The following CHST10 variants were observed in gnomAD, a reference collection of about 807,000 sequenced individuals.
CHST10 encodes the protein HNK-1 sulfotransferase.
A neutral mutation model predicts 34.7 loss-of-function variants in CHST10; 24 were observed. That is an observed-to-expected ratio of 0.69 (90% confidence interval 0.50 to 0.97). The LOEUF is 0.97. Among genes scored for constraint, CHST10 ranks in the 50% least tolerant of loss-of-function variants. The probability of loss-of-function intolerance (pLI) is 0.00; values close to 1 mark genes in which losing one functional copy is unlikely to be tolerated. For synonymous variants in CHST10, 161 were observed against 169.3 expected (o/e 0.95, Z 0.38); for missense variants, 402 against 452.1 (o/e 0.89, Z 1.00).
intron 5 of CHST10, among the ~76,000 whole-genome samples, chr2:100,396,439 A>G (rs1328069185): frequency 1.3e-5 from 2 of 152,202 alleles, no homozygotes; most frequent in African/African-American, 4.8e-5. Flanking sequence ...AAGTTTCTGT[A>G]AGCCTTAATA....
chr2:100,407,250 C>T (rs768177485), intron 2 of CHST10, among the ~76,000 whole-genome samples: 6 of 152,206 alleles, frequency 3.9e-5, no homozygotes, highest in African/African-American at 9.7e-5. Flanking sequence ...TTCTCGCCTC[C>T]GCCCACTTGC....
In CHST10 at chr2:100,398,151, GAC is replaced by G. The variant is rs1239425458; in HGVS notation, c.193-11_193-10del. The G allele has an allele frequency of 6.2e-7, 1 of 1,604,860 alleles. No homozygotes were observed. Among genetic ancestry groups the G allele is most frequent in the Non-Finnish European group, 8.5e-7 (1 of 1,174,966 alleles). ...AGCTCCTTCCCAGTTGGCTGCAGGTGACACAGAGCAGAAGAGGCCCAGGGACC... is the reference window on the plus strand; with the variant it reads ...AGCTCCTTCCCAGTTGGCTGCAGGTGACAGAGCAGAAGAGGCCCAGGGACC... On this transcript the variant is annotated splice_polypyrimidine_tract_variant and intron_variant, in intron 4 of 6. Coordinates refer to ENST00000264249, the MANE Select transcript of CHST10 (RefSeq NM_004854.5).
At chr2:100,416,856 C>G (rs1676088762) in intron 1 of CHST10, 1 of 721,972 alleles carries the variant, frequency 1.4e-6, no homozygotes, top group Admixed American at 2.7e-5. Flanking sequence ...ACCTTCCCAG[C>G]CAGAAGTGCA....
chr2:100,407,605 G>A (rs191773678), intron 2 of CHST10: 2 of 152,170 alleles, frequency 1.3e-5, no homozygotes, highest in Non-Finnish European at 2.9e-5. Flanking sequence ...ATTTCAGAGA[G>A]AGCCTCCTAA....
At chr2:100,405,133 G>A (rs1675512219) in intron 3 of CHST10, among the ~76,000 whole-genome samples, 1 of 152,210 alleles carries the variant, frequency 6.6e-6, no homozygotes, top group Non-Finnish European at 1.5e-5. Context: ...CCATGGAAAT[G>A]TCCAAACTGT....
At chr2:100,411,315 T>C (rs368639390) in intron 2 of CHST10, among the ~76,000 whole-genome samples, 3 of 152,244 alleles carry the variant, frequency 2.0e-5, no homozygotes, top group African/African-American at 7.2e-5. Context: ...TTTCACCATG[T>C]TGGCCAGGCT....
intron 2 of CHST10, among the ~76,000 whole-genome samples, chr2:100,410,818 G>T (rs138664454): frequency 3.3e-5 from 5 of 152,086 alleles, no homozygotes; most frequent in Non-Finnish European, 4.4e-5. Context: ...AAATCATGCC[G>T]AAGTCCAAAA....
At chr2:100,408,326 C>T (rs1675673900) in intron 2 of CHST10, 1 of 152,228 alleles carries the variant, frequency 6.6e-6, no homozygotes, top group East Asian at 1.9e-4. Context: ...CAATCCCCTC[C>T]TCCTTCCGCC....
chr2:100,415,596 C>T (rs539906614), intron 1 of CHST10, among the ~76,000 whole-genome samples: 1 of 152,294 alleles, frequency 6.6e-6, no homozygotes, highest in East Asian at 1.9e-4. Context: ...CCAAAATAAA[C>T]ATACAACTCA....
chr2:100,404,396 C>G (rs772681026), intron 3 of CHST10, among the ~76,000 whole-genome samples: 1 of 152,196 alleles, frequency 6.6e-6, no homozygotes, highest in Admixed American at 6.5e-5. Context: ...TGAAGGCAGC[C>G]GGCTGGAAAG....
At chr2:100,416,404 A>T (rs1160075123) in intron 1 of CHST10, 1 of 152,426 alleles carries the variant, frequency 6.6e-6, no homozygotes, top group African/African-American at 2.4e-5. Flanking sequence ...CTTCAGGGTC[A>T]AGAGCAATTC....
At chr2:100,402,511 C>A (rs372143391) in intron 4 of CHST10, 53 bp downstream of exon 4, 3 of 1,503,152 alleles carry the variant, frequency 2.0e-6, no homozygotes, top group Non-Finnish European at 9.2e-7. Context: ...CAGCTCCCCG[C>A]GACAAGGGTG....
Position 100,398,085 on chromosome 2 carries a change from G to A in CHST10, c.250C>T (p.Arg84Cys), listed in dbSNP as rs762908706. ...QLVQPLVYME[R>C]LELIRNVCRD... ...CAGACGTTTCTGATGAGTTCCAGGC[G>A]CTCCATGTAGACCAGGGGCTGAACG... The change falls in exon 5 of 7, where the codon CGC becomes TGC. Residue 84 changes from arginine to cysteine, a missense_variant. Coordinates refer to ENST00000264249, the MANE Select transcript of CHST10 (RefSeq NM_004854.5). The A allele has an allele frequency of 8.1e-6, 13 of 1,613,946 alleles. No individual in the cohort carries two copies. The highest frequency in any genetic ancestry group is 4.0e-5 in the African/African-American group (3 of 74,902).
In CHST10 at chr2:100,406,570, A is replaced by G. The variant is rs1301806169; in HGVS notation, c.100+6T>C. On this transcript the variant is annotated splice_donor_region_variant and intron_variant, in intron 3 of 6. Coordinates refer to ENST00000264249, the MANE Select transcript of CHST10 (RefSeq NM_004854.5). ...CAAAATTCGTTCCACCATGAAGCAT[A>G]CGTACCATCTGGGTCTTTAAAGGTC... 6.2e-7 allele frequency: 1 copy of G among 1,614,038 alleles called. No homozygotes were observed. The highest frequency in any genetic ancestry group is 8.5e-7 in the Non-Finnish European group (1 of 1,180,024).
rs1008883303 is a variant in CHST10 at position 100,393,100 on chromosome 2, T to A, written c.*145A>T. 7 of 782,602 alleles carry A rather than the reference T, an allele frequency of 8.9e-6. No homozygotes were observed. The highest frequency in any genetic ancestry group is 1.4e-5 in the Non-Finnish European group (7 of 486,138). The allele number at this position is 782,602 out of a possible 1,614,324, so 48.5% of individuals were successfully genotyped here. On this transcript the variant is annotated 3_prime_UTR_variant, in exon 7 of 7. Coordinates refer to ENST00000264249, the MANE Select transcript of CHST10 (RefSeq NM_004854.5). ...GTAACAGTTGGGGTTCTGCGTCATATGCCGAGGCAACTCACAGGCCTGTGG... is the reference window on the plus strand; with the variant it reads ...GTAACAGTTGGGGTTCTGCGTCATAAGCCGAGGCAACTCACAGGCCTGTGG...
intron 1 of CHST10, chr2:100,416,516 A>T (rs1170236227): frequency 1.3e-5 from 2 of 159,890 alleles, no homozygotes; most frequent in Admixed American, 6.0e-5. Flanking sequence ...TTTTCATTTT[A>T]ACCCAGTCAC....
At chr2:100,405,678 G>A (rs542844502) in intron 3 of CHST10, among the ~76,000 whole-genome samples, 5 of 152,278 alleles carry the variant, frequency 3.3e-5, no homozygotes, top group South Asian at 2.1e-4. Context: ...GACAAAGTAC[G>A]GTGCAGAGCA....
chr2:100,404,965 C>G (rs1675505605), intron 3 of CHST10, among the ~76,000 whole-genome samples: 1 of 152,192 alleles, frequency 6.6e-6, no homozygotes, highest in Non-Finnish European at 1.5e-5. Flanking sequence ...CTGTGCTTCT[C>G]AACTGGGCCC....
chr2:100,393,567 C>G lies in CHST10; in HGVS notation c.749G>C (p.Arg250Thr). 1 of 1,614,124 alleles carries G rather than the reference C, an allele frequency of 6.2e-7. No homozygotes were observed. Among genetic ancestry groups the G allele is most frequent in the South Asian group, 1.1e-5 (1 of 91,072 alleles). ...FVRYLGDPNH[R>T]WLDLQFGDHI... ...GTCCCCAAACTGAAGGTCTAGCCAT[C>G]TGTGGTTCGGATCGCCGAGGTAGCG... Residue 250 changes from arginine (R) to threonine (T), a missense_variant, in exon 7 of 7, where the codon AGA becomes ACA. Physicochemically the swap from Arg to Thr is moderately conservative, Grantham distance 71. Coordinates refer to ENST00000264249, the MANE Select transcript of CHST10 (RefSeq NM_004854.5).
Sources: allele counts gnomAD v4.1 joint callset (sites outside exome capture counted in the v4.1 genomes callset), GRCh38; gene constraint gnomAD v4.1.1; transcripts MANE v1.5; gene names NCBI Gene and HGNC (gene_info 2026-07-23, HGNC 2026-07-21).